The following PISD variants were observed in gnomAD, a reference collection of about 807,000 sequenced individuals.
PISD encodes phosphatidylserine decarboxylase proenzyme, mitochondrial.
PISD carries 31 observed loss-of-function variants against 43.5 expected under a neutral mutation model. That is an observed-to-expected ratio of 0.71 (90% confidence interval 0.54 to 0.96). The LOEUF (loss-of-function observed/expected upper bound fraction) is 0.96. Ranked by LOEUF, PISD falls within the 40% of genes least tolerant of loss-of-function variation. The pLI, the probability that PISD is intolerant of heterozygous loss-of-function variation, is 0.00. For missense variants in PISD, 523 were observed against 548.4 expected (o/e 0.95, Z 0.46); for synonymous variants, 259 against 228.7 (o/e 1.13, Z -1.20).
At position 31,630,558 on chromosome 22, in the gene PISD, G is replaced by A. The variant is rs1209214615; in HGVS notation, c.322-8673C>T. The A allele has an allele frequency of 4.9e-6, 1 of 205,332 alleles. No homozygotes were observed. Among genetic ancestry groups the A allele is most frequent in the Non-Finnish European group, 8.6e-6 (1 of 116,642 alleles). 12.7% of individuals were successfully genotyped at this position (205,332 alleles called of 1,614,324 possible). ...AGGAGATAAGATGTGGAGGAAGTGA[G>A]CTCACGCAGCCCGGGCCGTGCCCAC... On this transcript the variant is annotated intron_variant, in intron 3 of 7. Transcript: ENST00000439502. This position sits in a 1 kb window ranked among gnomAD's most constrained non-coding sequence, Gnocchi z 4.4.
At position 31,619,706 on chromosome 22, in the gene PISD, G is replaced by C. The variant is rs2072375898; in HGVS notation, c.1136C>G (p.Thr379Ser). The change falls in exon 8 of 8, where the codon ACC (threonine) becomes AGC (serine). Residue 379 changes from threonine to serine, a missense_variant. Thr to Ser is a moderately conservative substitution (Grantham distance 58). Transcript: ENST00000439502. ...EHLGEFNLGS[T>S]IVLIFEAPKD... is the part of the protein sequence containing the mutation. ...GGGGGCCTCGAAGATGAGCACGATG[G>C]TGGAGCCCAGGTTGAACTCGCCCAG... is the stretch of plus-strand genomic sequence containing the variant. The C allele has an allele frequency of 4.3e-6, 7 of 1,614,228 alleles. No homozygotes were observed. Among genetic ancestry groups the C allele is most frequent in the Non-Finnish European group, 5.1e-6 (6 of 1,180,018 alleles).
chr22:31,651,613 T>C (rs902670779), intron 1 of PISD, among the ~76,000 whole-genome samples: 3 of 152,044 alleles, frequency 2.0e-5, no homozygotes, highest in Non-Finnish European at 4.4e-5. Flanking sequence ...CTGGGTGTGG[T>C]GGCACATGCC....
In PISD at chr22:31,621,584, G is replaced by A. The variant is rs2072581163; in HGVS notation, c.558+65C>T. ...CCCTTCCAGATACGCTGGAGACCAGGGGGGCTGTGCTGGGGAGGCAGGAAA... is the reference window on the plus strand; with the variant it reads ...CCCTTCCAGATACGCTGGAGACCAGAGGGGCTGTGCTGGGGAGGCAGGAAA... On this transcript the variant is annotated intron_variant, in intron 4 of 7. Transcript: ENST00000439502. 5.7e-6 allele frequency: 9 copies of A among 1,588,120 alleles called. No homozygotes were observed. The Admixed American group carries it at 1.4e-4, about 24-fold the overall frequency.
intron 3 of PISD, among the ~76,000 whole-genome samples, chr22:31,645,475 T>C (rs1236570446): frequency 1.3e-5 from 2 of 150,182 alleles, no homozygotes; most frequent in Middle Eastern, 3.5e-3. Flanking sequence ...GAGGCCGAGG[T>C]GGGCGGATCA....
chr22:31,659,265 T>C (rs562541834), intron 1 of PISD, among the ~76,000 whole-genome samples: 3 of 152,338 alleles, frequency 2.0e-5, no homozygotes, highest in African/African-American at 7.2e-5. Context: ...GACAGACCTC[T>C]TGAAGGCTTT....
intron 1 of PISD, among the ~76,000 whole-genome samples, chr22:31,660,100 T>C (rs2074278046): frequency 1.3e-5 from 2 of 152,204 alleles, no homozygotes; most frequent in South Asian, 4.1e-4. Flanking sequence ...GGTTTTCATT[T>C]ACATGTCTCA....
intron 3 of PISD, among the ~76,000 whole-genome samples, chr22:31,643,817 G>C (rs547680725): frequency 1.3e-5 from 2 of 152,330 alleles, no homozygotes; most frequent in East Asian, 3.9e-4. Context: ...GGGAGGCCAA[G>C]GCAGGCAGAT....
chr22:31,636,701 G>A lies in PISD; in HGVS notation c.321+11400C>T, dbSNP rs188300622. ...ACTACAGGCGCCCGCCACCACGCCC[G>A]GCTAATTTTTTGTATTTTTTTTAGT... On this transcript the variant is annotated intron_variant, in intron 3 of 7. Coordinates refer to ENST00000439502, the MANE Select transcript of PISD (RefSeq NM_001326411.2). 4.3e-3 allele frequency among the ~76,000 whole-genome samples: 657 copies of A among 151,724 alleles called. 4 individuals carry two copies. Among genetic ancestry groups the A allele is most frequent in the African/African-American group, 0.015 (623 of 41,336 alleles).
Position 31,618,770 on chromosome 22 carries a change from A to C in PISD, c.*842T>G. On this transcript the variant is annotated 3_prime_UTR_variant, in exon 8 of 8. Transcript: ENST00000439502. The stretch of plus-strand genomic sequence containing the variant: ...CCACCAAGGGTCCTCTGCCTCCAAG[A>C]CAGACCCTGAATCAATAGCAGCAAC... 1 of 200,440 alleles carries C rather than the reference A, an allele frequency of 5.0e-6. No homozygotes were observed. Among genetic ancestry groups the C allele is most frequent in the Non-Finnish European group, 1.0e-5 (1 of 99,528 alleles). The allele number at this position is 200,440 out of a possible 1,614,324, so 12.4% of individuals were successfully genotyped here.
At position 31,619,457 on chromosome 22, in the gene PISD, C is replaced by T. The variant is rs778311383; in HGVS notation, c.*155G>A. Reference sequence around the variant, plus strand: ...CCACCTCTTGTCTGCACCTCTGGAACAGGTGGTAGCCGAATCATTCAAGTC... The same window carrying T: ...CCACCTCTTGTCTGCACCTCTGGAATAGGTGGTAGCCGAATCATTCAAGTC... On this transcript the variant is annotated 3_prime_UTR_variant, in exon 8 of 8. Coordinates refer to ENST00000439502, the MANE Select transcript of PISD (RefSeq NM_001326411.2). 1.4e-5 allele frequency: 10 copies of T among 701,048 alleles called. No homozygotes were observed. The highest frequency in any genetic ancestry group is 1.0e-4 in the Admixed American group (5 of 49,760). The allele number at this position is 701,048 out of a possible 1,614,324, so 43.4% of individuals were successfully genotyped here.
In PISD at chr22:31,659,100, C is replaced by T. The variant is rs192019542; in HGVS notation, c.65+3044G>A. Among the ~76,000 whole-genome samples the T allele has an allele frequency of 5.3e-5, 8 of 152,192 alleles. No homozygotes were observed. In the East Asian group the frequency reaches 7.7e-4, roughly 15 times the overall value. On this transcript the variant is annotated intron_variant, in intron 1 of 7. Coordinates refer to ENST00000439502, the MANE Select transcript of PISD (RefSeq NM_001326411.2). The stretch of plus-strand genomic sequence containing the variant: ...AACTCCTGAGCTCATGCAATCCACC[C>T]GCCTTAGCCTCCCAAAATGCTGGGA...
chr22:31,649,368 C>T (rs2073974360), intron 2 of PISD, among the ~76,000 whole-genome samples: 1 of 152,196 alleles, frequency 6.6e-6, no homozygotes, highest in Non-Finnish European at 1.5e-5. Flanking sequence ...TGTTGAAGTT[C>T]TAACCCTGAG....
intron 3 of PISD, among the ~76,000 whole-genome samples, chr22:31,645,855 TA>T (rs200852599): frequency 0.057 from 6,179 of 108,030 alleles, 143 homozygotes; most frequent in South Asian, 0.084. Context: ...AGACTCCATC[TA>T]AAAAAAAAAA....
intron 1 of PISD, among the ~76,000 whole-genome samples, chr22:31,654,462 A>G (rs2074112441): frequency 2.0e-5 from 3 of 152,054 alleles, no homozygotes; most frequent in African/African-American, 4.8e-5. Context: ...CAGCTACCCA[A>G]TGGCCCCATT....
intron 3 of PISD, among the ~76,000 whole-genome samples, chr22:31,645,781 G>T (rs1188281025): frequency 6.7e-6 from 1 of 148,534 alleles, no homozygotes; most frequent in Non-Finnish European, 1.5e-5. Flanking sequence ...CGCTTGAACC[G>T]GGGAGGCGGA....
At chr22:31,658,025 G>A (rs1261040372) in intron 1 of PISD, among the ~76,000 whole-genome samples, 1 of 152,050 alleles carries the variant, frequency 6.6e-6, no homozygotes, top group Non-Finnish European at 1.5e-5. Context: ...TTTTCTTCAT[G>A]GCATTTCTTA....
chr22:31,647,465 C>T (rs993404701), intron 3 of PISD, among the ~76,000 whole-genome samples: 3 of 152,116 alleles, frequency 2.0e-5, no homozygotes, highest in African/African-American at 7.2e-5. Flanking sequence ...TATTACTGGT[C>T]CTTTGATATT....
chr22:31,657,648 G>C (rs927459407), intron 1 of PISD, among the ~76,000 whole-genome samples: 3 of 151,918 alleles, frequency 2.0e-5, no homozygotes, highest in African/African-American at 7.3e-5. Context: ...TCAGCCTCCT[G>C]AGTAGCTGGG....
intron 3 of PISD, chr22:31,623,709 C>T (rs751842641): frequency 5.6e-6 from 9 of 1,613,890 alleles, no homozygotes; most frequent in African/African-American, 1.3e-5. Flanking sequence ...CCATCCCACC[C>T]GGCTGAGCGG....
Sources: allele counts gnomAD v4.1 joint callset (sites outside exome capture counted in the v4.1 genomes callset), GRCh38; gene constraint gnomAD v4.1.1; non-coding constraint Gnocchi (gnomAD v3.1); transcripts MANE v1.5; gene names NCBI Gene and HGNC (gene_info 2026-07-23, HGNC 2026-07-21).